The following ZNF385D variants were observed in gnomAD, a reference collection of about 807,000 sequenced individuals.
ZNF385D encodes zinc finger protein 659.
ZNF385D carries 15 observed loss-of-function variants against 35.8 expected under a neutral mutation model. The ratio of observed to expected loss-of-function variants is 0.42; its 90% CI spans 0.28 to 0.64. ZNF385D has a LOEUF of 0.64. Among genes scored for constraint, ZNF385D ranks in the 30% least tolerant of loss-of-function variants. The probability of loss-of-function intolerance (pLI) is 0.23; values close to 1 mark genes in which losing one functional copy is unlikely to be tolerated. For missense variants in ZNF385D, 474 were observed against 494.6 expected, an observed-to-expected ratio of 0.96 and a Z score of 0.39; for synonymous variants, 212 against 186.8, an observed-to-expected ratio of 1.13 and a Z score of -1.10.
At chr3:21,596,965 A>G (rs1449103229) in intron 2 of ZNF385D, among the ~76,000 whole-genome samples, 1 of 152,128 alleles carries the variant, frequency 6.6e-6, no homozygotes, top group Non-Finnish European at 1.5e-5. Flanking sequence ...CAGCCTAAGA[A>G]TGCATCTGTC....
intron 4 of ZNF385D, among the ~76,000 whole-genome samples, chr3:21,464,445 C>A (rs1459041053): frequency 6.6e-6 from 1 of 151,996 alleles, no homozygotes; most frequent in East Asian, 1.9e-4. Flanking sequence ...GTCTGTCTTC[C>A]TTTTTTTCCT....
rs1195506293 is a variant in ZNF385D at position 21,751,067 on chromosome 3, G to T, written c.-151C>A. Reference sequence around the variant, plus strand: ...CGCCGAGAGCGTGCCTCCTCCGCGGGATGAGCGCCTTGCAGGCTGCCTTTC... The same window carrying T: ...CGCCGAGAGCGTGCCTCCTCCGCGGTATGAGCGCCTTGCAGGCTGCCTTTC... On this transcript the variant is annotated 5_prime_UTR_variant, in exon 1 of 8. Coordinates refer to ENST00000281523, the MANE Select transcript of ZNF385D (RefSeq NM_024697.3). 6.6e-7 allele frequency: 1 copy of T among 1,520,798 alleles called. No homozygotes were observed. Among genetic ancestry groups the T allele is most frequent in the Non-Finnish European group, 8.8e-7 (1 of 1,134,074 alleles). The allele number at this position is 1,520,798 out of a possible 1,614,324, so 94.2% of individuals were successfully genotyped here.
At chr3:22,039,962 G>C (rs896288522) in intron 3 of ZNF385D, among the ~76,000 whole-genome samples, 1 of 152,128 alleles carries the variant, frequency 6.6e-6, no homozygotes, top group Non-Finnish European at 1.5e-5. Context: ...CCTAGCAGGA[G>C]ATCAGAAACA....
At chr3:22,046,732 T>C (rs1200983084) in intron 3 of ZNF385D, among the ~76,000 whole-genome samples, 1 of 152,140 alleles carries the variant, frequency 6.6e-6, no homozygotes, top group Non-Finnish European at 1.5e-5. Context: ...TAGAGTTGAG[T>C]GTCATCTTGA....
chr3:21,618,855 A>C (rs551857401), intron 2 of ZNF385D, among the ~76,000 whole-genome samples: 1 of 152,168 alleles, frequency 6.6e-6, no homozygotes, highest in South Asian at 2.1e-4. Flanking sequence ...TAAAACTCCC[A>C]CTAGCTTCCT....
chr3:21,959,204 A>G (rs1313201250), intron 3 of ZNF385D, among the ~76,000 whole-genome samples: 1 of 152,196 alleles, frequency 6.6e-6, no homozygotes, highest in East Asian at 1.9e-4. Context: ...TTCCTTGGTT[A>G]GAGATCTATT....
At chr3:21,924,070 C>T (rs1441190471) in intron 3 of ZNF385D, among the ~76,000 whole-genome samples, 1 of 152,072 alleles carries the variant, frequency 6.6e-6, no homozygotes, top group Non-Finnish European at 1.5e-5. Flanking sequence ...AGCCAGAGCA[C>T]ATAATCAATG....
In ZNF385D at chr3:21,699,326, C is replaced by T. The variant is rs184747826; in HGVS notation, c.23-34298G>A. ...ACACAGGGAGGGGAACATCACACAC[C>T]GGGGCCTGTCAGGGGGTGAGGGGCT... On this transcript the variant is annotated intron_variant, in intron 1 of 7. Coordinates refer to ENST00000281523, the MANE Select transcript of ZNF385D (RefSeq NM_024697.3). 4.8e-4 allele frequency among the ~76,000 whole-genome samples: 73 copies of T among 151,444 alleles called. 1 individual carries two copies. The highest frequency in any genetic ancestry group is 3.8e-3 in the South Asian group (18 of 4,764).
intron 3 of ZNF385D, among the ~76,000 whole-genome samples, chr3:21,783,221 G>A (rs533443566): frequency 1.3e-5 from 2 of 152,234 alleles, no homozygotes; most frequent in South Asian, 2.1e-4. Flanking sequence ...AAAATGAAGA[G>A]CCTGGATAGG....
intron 1 of ZNF385D, among the ~76,000 whole-genome samples, chr3:21,701,098 G>A (rs1207594488): frequency 6.6e-6 from 1 of 152,114 alleles, no homozygotes; most frequent in Non-Finnish European, 1.5e-5. Context: ...ATTTCCTGAT[G>A]AGTTACCATG....
At chr3:21,962,291 T>G (rs150816997) in intron 3 of ZNF385D, among the ~76,000 whole-genome samples, 149 of 151,976 alleles carry the variant, frequency 9.8e-4, no homozygotes, top group African/African-American at 3.5e-3. Context: ...ATGGTATGTG[T>G]GGAAAAAGAG....
chr3:21,706,983 C>A (rs990370418), intron 1 of ZNF385D, among the ~76,000 whole-genome samples: 1 of 152,100 alleles, frequency 6.6e-6, no homozygotes, highest in Non-Finnish European at 1.5e-5. Flanking sequence ...GATACATCTA[C>A]GGGAACAATT....
intron 2 of ZNF385D, among the ~76,000 whole-genome samples, chr3:22,345,077 G>C (rs1399272983): frequency 2.0e-5 from 3 of 152,132 alleles, no homozygotes; most frequent in Non-Finnish European, 2.9e-5. Context: ...ATGGGTCCTA[G>C]TATACATTTC....
chr3:22,320,016 CTG>C (rs1694332311), intron 2 of ZNF385D, among the ~76,000 whole-genome samples: 1 of 151,754 alleles, frequency 6.6e-6, no homozygotes, highest in Admixed American at 6.6e-5. Context: ...GCCTTGGACA[CTG>C]TGATTTGGAA....
At chr3:21,627,195 A>T (rs1024531294) in intron 2 of ZNF385D, among the ~76,000 whole-genome samples, 1 of 151,140 alleles carries the variant, frequency 6.6e-6, no homozygotes, top group Non-Finnish European at 1.5e-5. Flanking sequence ...CAATGTCTTT[A>T]CTTGGCAAAA....
chr3:21,667,254 C>T (rs867104535), intron 1 of ZNF385D, among the ~76,000 whole-genome samples: 4 of 152,148 alleles, frequency 2.6e-5, no homozygotes, highest in Middle Eastern at 3.2e-3. Flanking sequence ...CTCAACCTCC[C>T]GGGCTTAGCT....
intron 3 of ZNF385D, among the ~76,000 whole-genome samples, chr3:22,044,460 CAT>C (rs1341685490): frequency 1.3e-5 from 2 of 151,946 alleles, no homozygotes; most frequent in African/African-American, 2.4e-5. Context: ...CAAAAACAAA[CAT>C]AAAAATTTTT....
intron 1 of ZNF385D, among the ~76,000 whole-genome samples, chr3:21,685,270 T>G (rs2067068187): frequency 6.6e-6 from 1 of 152,216 alleles, no homozygotes; most frequent in Non-Finnish European, 1.5e-5. Context: ...CTGAAGATTT[T>G]ATGGCTACTG....
chr3:22,172,565 CT>C (rs1694533438), intron 2 of ZNF385D, among the ~76,000 whole-genome samples: 1 of 152,156 alleles, frequency 6.6e-6, no homozygotes, highest in African/African-American at 2.4e-5. Context: ...CTGAGAAGTG[CT>C]CATCTTCTCT....
Sources: allele counts gnomAD v4.1 joint callset (sites outside exome capture counted in the v4.1 genomes callset), GRCh38; gene constraint gnomAD v4.1.1; transcripts MANE v1.5; gene names NCBI Gene and HGNC (gene_info 2026-07-23, HGNC 2026-07-21).